PMS1: variants seen among roughly 807,000 people sequenced by gnomAD.
PMS1 encodes PMS1 homolog 1, mismatch repair system component, also known as PMS1 protein homolog 1.
A neutral mutation model predicts 93.1 loss-of-function variants in PMS1; 79 were observed. That is an observed-to-expected ratio of 0.85 (90% CI 0.71 to 1.02). The LOEUF (loss-of-function observed/expected upper bound fraction) is 1.02. PMS1 is among the 50% of genes least tolerant of loss of function. PMS1 has a pLI of 0.00. For synonymous variants in PMS1, 335 were observed against 363.4 expected (o/e 0.92, Z 0.89); for missense variants, 1,064 against 1,085.3 (o/e 0.98, Z 0.28).
At chr2:189,806,811 G>A (rs1303514990) in intron 4 of PMS1, 1 of 207,050 alleles carries the variant, frequency 4.8e-6, no homozygotes, top group Non-Finnish European at 9.8e-6. Context: ...CTAGTGATGG[G>A]ATGATTAAGA....
chr2:189,823,066 ATC>A (rs767660630), intron 5 of PMS1, among the ~76,000 whole-genome samples: 5 of 151,442 alleles, frequency 3.3e-5, no homozygotes, highest in Non-Finnish European at 5.9e-5. Flanking sequence ...GATTTTTTTC[ATC>A]TCTTTTTTCT....
At chr2:189,851,124 A>C (rs1435442515) in intron 6 of PMS1, among the ~76,000 whole-genome samples, 1 of 152,114 alleles carries the variant, frequency 6.6e-6, no homozygotes, top group African/African-American at 2.4e-5. Context: ...TTATGAGTCT[A>C]CTGTTTTATT....
chr2:189,847,130 T>A (rs1209770643), intron 6 of PMS1, among the ~76,000 whole-genome samples: 1 of 151,840 alleles, frequency 6.6e-6, no homozygotes, highest in African/African-American at 2.4e-5. Context: ...AAAGCGCCCA[T>A]TTCTTTTTTT....
intron 4 of PMS1, among the ~76,000 whole-genome samples, chr2:189,816,599 T>G (rs2051324615): frequency 6.6e-6 from 1 of 152,224 alleles, no homozygotes; most frequent in African/African-American, 2.4e-5. Context: ...CTTCTAGTAT[T>G]TATTTAATTA....
At chr2:189,842,759 A>AT (rs1559287396) in intron 5 of PMS1, among the ~76,000 whole-genome samples, 1 of 152,082 alleles carries the variant, frequency 6.6e-6, no homozygotes, top group Non-Finnish European at 1.5e-5. Flanking sequence ...AGGAATTTTG[A>AT]TTAGTAATTA....
At chr2:189,862,001 CCTT>C (rs1354204714) in intron 9 of PMS1, among the ~76,000 whole-genome samples, 2 of 151,406 alleles carry the variant, frequency 1.3e-5, no homozygotes, top group African/African-American at 4.9e-5. Flanking sequence ...GGTTTGCTGA[CCTT>C]CTTGCATCTG....
intron 12 of PMS1, among the ~76,000 whole-genome samples, chr2:189,875,601 G>A (rs1271305340): frequency 6.6e-6 from 1 of 152,068 alleles, no homozygotes; most frequent in Admixed American, 6.6e-5. Context: ...ATAGTGAAAG[G>A]AAGGAAAGAG....
chr2:189,791,358 G>A (rs935188247), intron 1 of PMS1, among the ~76,000 whole-genome samples: 2 of 152,078 alleles, frequency 1.3e-5, no homozygotes, highest in African/African-American at 2.4e-5. Flanking sequence ...GGTGGCTCAC[G>A]CCTGTAATCT....
chr2:189,808,553 ACTC>A (rs1285528606), intron 4 of PMS1, among the ~76,000 whole-genome samples: 1 of 151,736 alleles, frequency 6.6e-6, no homozygotes, highest in African/African-American at 2.4e-5. Flanking sequence ...CTGGTCTCGA[ACTC>A]CTGACCTCAA....
chr2:189,805,840 C>T lies in PMS1; in HGVS notation c.418+86C>T, dbSNP rs779439438. 1.8e-5 allele frequency: 28 copies of T among 1,574,752 alleles called. No individual in the cohort carries two copies. The Admixed American group carries it at 4.9e-4, about 28-fold the overall frequency. On this transcript the variant is annotated intron_variant, in intron 4 of 12. Transcript: ENST00000441310. ...AAAAAAAAAAGTTACTCGGTGAATACAAATATATTGCTTTGGGCTTGGTCC... is the reference window on the plus strand; with the variant it reads ...AAAAAAAAAAGTTACTCGGTGAATATAAATATATTGCTTTGGGCTTGGTCC...
chr2:189,835,928 A>T (rs925595594), intron 5 of PMS1, among the ~76,000 whole-genome samples: 1 of 149,446 alleles, frequency 6.7e-6, no homozygotes, highest in Admixed American at 6.7e-5. Flanking sequence ...AAAAAAAAAA[A>T]TTCATTGGTG....
chr2:189,823,611 A>G (rs1393715273), intron 5 of PMS1, among the ~76,000 whole-genome samples: 1 of 152,196 alleles, frequency 6.6e-6, no homozygotes, highest in Non-Finnish European at 1.5e-5. Context: ...GGTAATAAGG[A>G]GTTATATGTC....
chr2:189,855,910 T>G, intron 9 of PMS1: 2 of 958,460 alleles, frequency 2.1e-6, no homozygotes, highest in Non-Finnish European at 2.7e-6. Context: ...CCTCCAATCA[T>G]ATACAGGTAT....
At chr2:189,869,816 TAA>T (rs398060888) in intron 11 of PMS1, among the ~76,000 whole-genome samples, 37 of 134,840 alleles carry the variant, frequency 2.7e-4, no homozygotes, top group African/African-American at 2.4e-4. Flanking sequence ...GACTCCATCT[TAA>T]AAAAAAAAAA....
intron 6 of PMS1, among the ~76,000 whole-genome samples, chr2:189,850,475 G>A (rs966862536): frequency 6.6e-6 from 1 of 152,148 alleles, no homozygotes; most frequent in Admixed American, 6.6e-5. Flanking sequence ...TTTTGTGACA[G>A]CCAGTTGAAG....
In PMS1 at chr2:189,867,868, A is replaced by G. The variant is rs1157403327; in HGVS notation, c.2412A>G (p.Gly804=). The G allele has an allele frequency of 1.9e-6, 3 of 1,600,442 alleles. No homozygotes were observed. The highest frequency in any genetic ancestry group is 1.7e-5 in the Admixed American group (1 of 59,982). The change falls in exon 11 of 13, where the codon GGA becomes GGG. Residue 804 remains glycine (G), a synonymous_variant. Coordinates refer to ENST00000441310, the MANE Select transcript of PMS1 (RefSeq NM_000534.5). ...CAGCAGATGACCAAAGATACAGTGG[A>G]TCAACTTACCTGTCTGATCCTCGTC... The part of the protein sequence containing the change: ...KMTADDQRYS[G]STYLSDPRLT...
At chr2:189,814,077 A>C (rs5743032) in intron 4 of PMS1, among the ~76,000 whole-genome samples, 34,159 of 152,056 alleles carry the variant, frequency 0.22, 4,036 homozygotes, top group African/African-American at 0.28. Flanking sequence ...TGCTAAATGC[A>C]TGCATTTCTT....
chr2:189,869,322 G>A (rs1355520429), intron 11 of PMS1, among the ~76,000 whole-genome samples: 2 of 152,166 alleles, frequency 1.3e-5, no homozygotes, highest in Non-Finnish European at 2.9e-5. Context: ...CCATCCATTA[G>A]CCCCCTTTAG....
In PMS1 at chr2:189,805,754, G is replaced by C. The variant is rs1559232284; in HGVS notation, c.418G>C (p.Gly140Arg). 1 of 1,613,572 alleles carries C rather than the reference G, an allele frequency of 6.2e-7. No homozygotes were observed. Among genetic ancestry groups the C allele is most frequent in the Admixed American group, 1.7e-5 (1 of 59,982 alleles). Residue 140 changes from glycine (G) to arginine (R), a missense_variant and splice_region_variant, in exon 4 of 13, where the codon GGT becomes CGT. By Grantham distance (125) the Gly-to-Arg change is moderately radical (BLOSUM62 -2). Transcript: ENST00000441310. ...LSQKPSHLGQ[G>R]TTVTALRLFK... ...TCAGAAACCTTCACATCTTGGTCAA[G>C]GTAAGAAAGTAGCTTTGTATACAAA...
Sources: allele counts gnomAD v4.1 joint callset (sites outside exome capture counted in the v4.1 genomes callset), GRCh38; gene constraint gnomAD v4.1.1; transcripts MANE v1.5; gene names NCBI Gene and HGNC (gene_info 2026-07-23, HGNC 2026-07-21).